The following TPTE variants were observed in gnomAD, a reference collection of about 807,000 sequenced individuals.
TPTE encodes putative tyrosine-protein phosphatase TPTE.
In TPTE, 59 loss-of-function variants were observed where a neutral mutation model predicts 84.1. The ratio of observed to expected loss-of-function variants is 0.70; its 90% CI spans 0.57 to 0.87. The LOEUF is 0.87. TPTE is among the 40% of genes least tolerant of loss of function. The pLI is 0.00. For synonymous variants in TPTE, 130 were observed against 223.5 expected, an observed-to-expected ratio of 0.58 and a Z score of 3.73; for missense variants, 382 against 659.6, an observed-to-expected ratio of 0.58 and a Z score of 4.61.
chr21:10,601,927 T>C (rs1455530088), intron 21 of TPTE, 131 bp from the exon 22 acceptor site: 1 of 880,354 alleles, frequency 1.1e-6, no homozygotes, highest in Non-Finnish European at 1.8e-6. Context: ...AATAATTATT[T>C]ATGTATGTAG....
At chr21:10,531,668 C>T (rs1337294261) in intron 3 of TPTE, among the ~76,000 whole-genome samples, 9 of 152,410 alleles carry the variant, frequency 5.9e-5, no homozygotes, top group Admixed American at 5.9e-4. Context: ...CGTCATCTGC[C>T]TGTTAGCTTT....
chr21:10,538,615 T>G, intron 3 of TPTE, 66 bp from the exon 4 acceptor site: 2 of 1,610,200 alleles, frequency 1.2e-6, no homozygotes, highest in Non-Finnish European at 1.7e-6. Flanking sequence ...TGAAAGCTAG[T>G]TTTACCAGAA....
chr21:10,575,243 G>T (rs1448582926), intron 14 of TPTE, among the ~76,000 whole-genome samples: 3 of 152,310 alleles, frequency 2.0e-5, no homozygotes, highest in Non-Finnish European at 4.4e-5. Context: ...TGGCTTGCCA[G>T]ATCATGACCA....
intron 3 of TPTE, among the ~76,000 whole-genome samples, chr21:10,529,979 A>T (rs186613124): frequency 6.6e-6 from 1 of 152,312 alleles, no homozygotes; most frequent in African/African-American, 2.4e-5. Flanking sequence ...AAGGAGAGCT[A>T]TTCCTACCCC....
chr21:10,536,618 A>G (rs928601873), intron 3 of TPTE, among the ~76,000 whole-genome samples: 2 of 151,146 alleles, frequency 1.3e-5, no homozygotes, highest in African/African-American at 4.9e-5. Flanking sequence ...GAATCGACAG[A>G]GAGAAAGATG....
intron 5 of TPTE, among the ~76,000 whole-genome samples, chr21:10,541,511 A>C (rs1275529261): frequency 1.3e-4 from 20 of 152,308 alleles, no homozygotes; most frequent in Non-Finnish European, 2.2e-4. Flanking sequence ...CACACACACA[A>C]AACAGTGACA....
intron 7 of TPTE, among the ~76,000 whole-genome samples, chr21:10,547,767 G>A (rs558144032): frequency 1.0e-3 from 152 of 152,378 alleles, no homozygotes; most frequent in Non-Finnish European, 1.6e-3. Context: ...GCTGTGTGGA[G>A]GTTGGTCCCA....
rs1009395227 is a variant in TPTE, at chr21:10,542,358, G to A, written c.66-37G>A. 2.3e-5 allele frequency: 37 copies of A among 1,606,110 alleles called. No homozygotes were observed. The South Asian group carries it at 2.6e-4, about 11-fold the overall frequency. On this transcript the variant is annotated intron_variant, in intron 5 of 23. Transcript: ENST00000618007. ...TTCCAAAATATAAATTCAGAATTATGTCTCCTCTCTGACTGTTTTCTCTTA... is the reference window on the plus strand; with the variant it reads ...TTCCAAAATATAAATTCAGAATTATATCTCCTCTCTGACTGTTTTCTCTTA...
intron 8 of TPTE, among the ~76,000 whole-genome samples, chr21:10,558,495 A>G (rs1312486259): frequency 1.3e-5 from 2 of 152,308 alleles, no homozygotes; most frequent in Non-Finnish European, 2.9e-5. Flanking sequence ...GCATTTCTCT[A>G]ATCTGTGATA....
chr21:10,603,026 T>C (rs1227681724), intron 22 of TPTE, among the ~76,000 whole-genome samples: 4 of 152,308 alleles, frequency 2.6e-5, no homozygotes, highest in African/African-American at 9.6e-5. Context: ...AAGTAGGTTA[T>C]ATTTAGCTGT....
chr21:10,543,445 A>G (rs2074408531), intron 7 of TPTE, 63 bp downstream of exon 7: 6 of 1,611,400 alleles, frequency 3.7e-6, no homozygotes, highest in Non-Finnish European at 4.2e-6. Flanking sequence ...TACACACACC[A>G]AGCACATACA....
chr21:10,538,868 C>T (rs937114151), intron 4 of TPTE, 134 bp downstream of exon 4: 122 of 1,580,718 alleles, frequency 7.7e-5, no homozygotes, highest in Non-Finnish European at 9.6e-5. Flanking sequence ...CTCTCAAACA[C>T]ATCCACTAAC....
chr21:10,522,629 A>G (rs2074003362), intron 1 of TPTE, among the ~76,000 whole-genome samples: 1 of 152,308 alleles, frequency 6.6e-6, no homozygotes, highest in African/African-American at 2.4e-5. Context: ...CTTATTTGCC[A>G]GTTGCAAATC....
At chr21:10,550,279 A>G (rs1172921218) in intron 7 of TPTE, among the ~76,000 whole-genome samples, 1 of 152,310 alleles carries the variant, frequency 6.6e-6, no homozygotes, top group Admixed American at 6.5e-5. Context: ...CCCATGAAGG[A>G]TATAGACTTA....
Position 10,530,708 on chromosome 21 carries a change from A to G in TPTE, c.-44+3296A>G, listed in dbSNP as rs377244924. ...AGGACTTGATGGGCCATGGGATTGC[A>G]TATTTTGAATTTGACTGAATACTGC... On this transcript the variant is annotated intron_variant, in intron 3 of 23. Coordinates refer to ENST00000618007, the MANE Select transcript of TPTE (RefSeq NM_199261.4). Among the ~76,000 whole-genome samples the G allele has an allele frequency of 2.8e-4, 42 of 152,404 alleles. No individual in the cohort carries two copies. In the East Asian group the frequency reaches 6.2e-3, roughly 22 times the overall value.
intron 17 of TPTE, among the ~76,000 whole-genome samples, chr21:10,584,266 A>T (rs1421565823): frequency 6.6e-6 from 1 of 152,382 alleles, no homozygotes; most frequent in East Asian, 1.9e-4. Context: ...TATTTTCTAA[A>T]TGTTTTTTGT....
chr21:10,545,455 A>T (rs989503096), intron 7 of TPTE, among the ~76,000 whole-genome samples: 2 of 152,308 alleles, frequency 1.3e-5, no homozygotes, highest in African/African-American at 4.8e-5. Flanking sequence ...CCAGAAAAGT[A>T]TGTCTCTGAA....
chr21:10,548,087 C>A (rs767687355), intron 7 of TPTE, among the ~76,000 whole-genome samples: 81 of 152,262 alleles, frequency 5.3e-4, no homozygotes, highest in Admixed American at 9.2e-4. Context: ...GAGAAACAGT[C>A]CCACAGGCTG....
At chr21:10,578,311 T>TATGAC (rs770564916) in intron 15 of TPTE, 26 bp from the exon 16 acceptor site, 1 of 1,611,272 alleles carries the variant, frequency 6.2e-7, no homozygotes, top group South Asian at 1.1e-5. Context: ...CCTATAGAGA[T>TATGAC]ATGACATACA....
Sources: allele counts gnomAD v4.1 joint callset (sites outside exome capture counted in the v4.1 genomes callset), GRCh38; gene constraint gnomAD v4.1.1; transcripts MANE v1.5; gene names NCBI Gene and HGNC (gene_info 2026-07-23, HGNC 2026-07-21).